The following KAT6A variants were observed in gnomAD, a reference collection of about 807,000 sequenced individuals.
KAT6A encodes the protein lysine acetyltransferase 6A.
In KAT6A, 9 loss-of-function variants were observed where a neutral mutation model predicts 198.4. The ratio of observed to expected loss-of-function variants is 0.05; its 90% CI spans 0.03 to 0.08. KAT6A has a LOEUF of 0.08. Among genes scored for constraint, KAT6A ranks in the 10% least tolerant of loss-of-function variants. The pLI is 1.00. For missense variants in KAT6A, 2,077 were observed against 2,509.9 expected (o/e 0.83, Z 3.69); for synonymous variants, 890 against 883.0 (o/e 1.01, Z -0.14).
At position 41,981,947 on chromosome 8, in the gene KAT6A, T is replaced by C. The variant is rs1375334197; in HGVS notation, c.717A>G (p.Pro239=). The change falls in exon 4 of 17, where the codon CCA becomes CCG. Residue 239 remains proline (P), a synonymous_variant. Transcript: ENST00000265713. The stretch of plus-strand genomic sequence containing the variant: ...GTTCAGGGGAAAACTTTAAACAGGA[T>C]GGATGGCCTAATACGAGGGAGAACA... ...SCADCGNSGH[P]SCLKFSPELT... The C allele has an allele frequency of 4.4e-6, 7 of 1,596,370 alleles. No individual in the cohort carries two copies. Among genetic ancestry groups the C allele is most frequent in the Non-Finnish European group, 6.0e-6 (7 of 1,164,268 alleles).
chr8:41,934,086 A>C lies in KAT6A; in HGVS notation c.4134T>G (p.Pro1378=). The C allele has an allele frequency of 6.2e-7, 1 of 1,614,086 alleles. No homozygotes were observed. Among genetic ancestry groups the C allele is most frequent in the Non-Finnish European group, 8.5e-7 (1 of 1,180,020 alleles). ...CTGACACCACGGACGTGTCATGGGA[A>C]GGCTGCTCCTCTTCGGAATCCAGCT... ...ETELDSEEEQ[P]SHDTSVVSEQ... The change falls in exon 17 of 17, where the codon CCT becomes CCG. Residue 1378 remains proline (P), a synonymous_variant. Coordinates refer to ENST00000265713, the MANE Select transcript of KAT6A (RefSeq NM_006766.5).
chr8:41,984,672 T>C lies in KAT6A; in HGVS notation c.710-2718A>G, dbSNP rs1029181760. 2.0e-4 allele frequency among the ~76,000 whole-genome samples: 31 copies of C among 152,290 alleles called. 1 individual carries two copies. Among genetic ancestry groups the C allele is most frequent in the Admixed American group, 9.8e-4 (15 of 15,300 alleles). ...TAACTAGTAGTTAATTGTTCTACAA[T>C]TTCTTTAAAAGTTACCGCTACAGGG... On this transcript the variant is annotated intron_variant, in intron 3 of 16. Transcript: ENST00000265713.
At chr8:41,953,510 G>C (rs1303390292) in intron 9 of KAT6A, among the ~76,000 whole-genome samples, 1 of 152,208 alleles carries the variant, frequency 6.6e-6, no homozygotes, top group Non-Finnish European at 1.5e-5. Flanking sequence ...TTTCGCTCCT[G>C]TTGCCCAGGC....
intron 4 of KAT6A, 33 bp downstream of exon 4, chr8:41,981,806 G>T: frequency 7.7e-7 from 1 of 1,294,692 alleles, no homozygotes; most frequent in Non-Finnish European, 1.1e-6. Context: ...ACTACTAAAT[G>T]AAACACCCAT....
chr8:42,000,745 C>T (rs1055237710), intron 2 of KAT6A, among the ~76,000 whole-genome samples: 1 of 152,104 alleles, frequency 6.6e-6, no homozygotes, highest in Non-Finnish European at 1.5e-5. Context: ...ATAACTGATA[C>T]ATATCTGATA....
chr8:42,026,438 A>AT (rs1018347734), intron 2 of KAT6A, among the ~76,000 whole-genome samples: 17 of 150,918 alleles, frequency 1.1e-4, no homozygotes, highest in African/African-American at 3.4e-4. Context: ...GTGTCCTCCA[A>AT]TTTTTTTTTA....
intron 8 of KAT6A, among the ~76,000 whole-genome samples, chr8:41,965,988 C>G (rs892721891): frequency 6.6e-6 from 1 of 152,168 alleles, no homozygotes; most frequent in African/African-American, 2.4e-5. Context: ...TTTAGCACAA[C>G]TTATTAAAAT....
chr8:41,934,316 C>T lies in KAT6A; in HGVS notation c.3904G>A (p.Glu1302Lys), dbSNP rs745366094. ...ELEEPEPEEE[E>K]DAAAETAQND... ...TGGGCAGTCTCTGCAGCTGCATCTT[C>T]CTCCTCCTCTGGCTCTGGCTCCTCT... The change falls in exon 17 of 17, where the codon GAA becomes AAA. Residue 1302 changes from glutamate to lysine, a missense_variant. Around this residue, in one of 13 missense-constraint regions of KAT6A, gnomAD observed 375 missense variants for 383.0 expected, o/e 0.98. Coordinates refer to ENST00000265713, the MANE Select transcript of KAT6A (RefSeq NM_006766.5). The T allele has an allele frequency of 3.7e-6, 6 of 1,614,002 alleles. No homozygotes were observed. In the South Asian group the frequency reaches 6.6e-5, roughly 18 times the overall value.
intron 2 of KAT6A, among the ~76,000 whole-genome samples, chr8:42,020,113 G>T (rs965486355): frequency 3.9e-5 from 6 of 152,102 alleles, no homozygotes; most frequent in Admixed American, 2.6e-4. Context: ...AGTGAAGAGT[G>T]ATATGCTGCC....
chr8:41,951,061 T>C (rs1203346714), intron 9 of KAT6A, among the ~76,000 whole-genome samples: 2 of 151,810 alleles, frequency 1.3e-5, no homozygotes, highest in Non-Finnish European at 2.9e-5. Context: ...CAAGAAAACA[T>C]CAGGAGAAAT....
intron 5 of KAT6A, among the ~76,000 whole-genome samples, chr8:41,979,652 G>A (rs550562481): frequency 6.6e-6 from 1 of 151,986 alleles, no homozygotes; most frequent in East Asian, 1.9e-4. Flanking sequence ...GGAAAAAGTG[G>A]GTATTTATTC....
At chr8:42,001,560 A>G (rs1400003739) in intron 2 of KAT6A, among the ~76,000 whole-genome samples, 2 of 152,238 alleles carry the variant, frequency 1.3e-5, no homozygotes, top group East Asian at 3.8e-4. Context: ...CACTAAAAAA[A>G]CAAGTATGTC....
At chr8:41,997,677 C>A (rs1290423869) in intron 2 of KAT6A, among the ~76,000 whole-genome samples, 1 of 152,138 alleles carries the variant, frequency 6.6e-6, no homozygotes, top group African/African-American at 2.4e-5. Flanking sequence ...AAGCTTCTCT[C>A]AAATCTATCC....
chr8:41,982,702 GTTA>G (rs1379787409), intron 3 of KAT6A, among the ~76,000 whole-genome samples: 5 of 152,264 alleles, frequency 3.3e-5, no homozygotes, highest in African/African-American at 9.6e-5. Flanking sequence ...CCATGCTAGT[GTTA>G]TTATCATGCT....
intron 2 of KAT6A, 129 bp downstream of exon 2, chr8:42,048,248 TA>T: frequency 4.5e-6 from 4 of 898,018 alleles, no homozygotes; most frequent in Non-Finnish European, 6.9e-6. Context: ...AACTCACCAA[TA>T]AAAAACCAGA....
chr8:42,040,126 C>A (rs991170453), intron 2 of KAT6A, among the ~76,000 whole-genome samples: 2 of 151,714 alleles, frequency 1.3e-5, no homozygotes, highest in Admixed American at 1.3e-4. Flanking sequence ...ATATAGAATT[C>A]TTTTGAGACT....
intron 8 of KAT6A, among the ~76,000 whole-genome samples, chr8:41,967,274 A>AAAATTATTTATTT (rs544924028): frequency 7.0e-6 from 1 of 142,846 alleles, no homozygotes; most frequent in East Asian, 2.0e-4. Flanking sequence ...TAAAAAAAAA[A>AAAATTATTTATTT]ATTTATTTAT....
chr8:41,961,797 T>C (rs1823216759), intron 8 of KAT6A, among the ~76,000 whole-genome samples: 1 of 147,962 alleles, frequency 6.8e-6, no homozygotes, highest in Non-Finnish European at 1.5e-5. Context: ...CCCTCACAGC[T>C]CTATCCAACT....
Position 42,048,539 on chromosome 8 carries a change from A to G in KAT6A, c.439T>C (p.Leu147=). 6.2e-7 allele frequency: 1 copy of G among 1,614,202 alleles called. No homozygotes were observed. The highest frequency in any genetic ancestry group is 8.5e-7 in the Non-Finnish European group (1 of 1,180,022). Residue 147 remains leucine, a synonymous_variant, in exon 2 of 17, where the codon TTA becomes CTA. Transcript: ENST00000265713. ...GSAASGFHQQ[L]RLAIKRAIGH... ...ATGGCACGTTTGATAGCCAATCGTA[A>G]CTGCTGGTGAAAGCCAGAGGCAGCA...
Sources: gnomAD v4.1 joint callset for allele counts (sites outside exome capture counted in the v4.1 genomes callset) on GRCh38, gnomAD v4.1.1 for gene constraint, gnomAD v4.1.1 regional missense constraint, MANE v1.5 for transcripts, NCBI Gene and HGNC (gene_info 2026-07-23, HGNC 2026-07-21) for gene names.